Variants in THSD7A observed in about 807,000 individuals in gnomAD.
THSD7A encodes thrombospondin type 1 domain containing 7A.
THSD7A carries 96 observed loss-of-function variants against 231.3 expected under a neutral mutation model. That is an observed-to-expected ratio of 0.41 (90% confidence interval 0.35 to 0.49). THSD7A has a LOEUF of 0.49. Ranked by LOEUF, THSD7A falls within the 20% of genes least tolerant of loss-of-function variation. THSD7A has a pLI of 0.05. For synonymous variants in THSD7A, 940 were observed against 743.3 expected (o/e 1.26, Z -4.30); for missense variants, 2,290 against 2,070.2 (o/e 1.11, Z -2.06).
Position 11,373,464 on chromosome 7 carries a change from TC to T in THSD7A, c.*2329del, listed in dbSNP as rs781740428. 1.3e-5 allele frequency: 2 copies of T among 152,062 alleles called. No individual in the cohort carries two copies. The highest frequency in any genetic ancestry group is 2.9e-5 in the Non-Finnish European group (2 of 67,964). 9.4% of individuals were successfully genotyped at this position (152,062 alleles called of 1,614,324 possible). On this transcript the variant is annotated 3_prime_UTR_variant, in exon 28 of 28. Transcript: ENST00000423059. ...GTTTTAAAGTAACAATATTATTTTT[TC>T]TTCCTCTTTAATAAAACAGATAAAA...
intron 6 of THSD7A, among the ~76,000 whole-genome samples, chr7:11,513,049 A>G (rs1367306638): frequency 1.3e-5 from 2 of 150,540 alleles, no homozygotes; most frequent in Non-Finnish European, 3.0e-5. Flanking sequence ...TGAGTGAAGT[A>G]ACTCAGGCAT....
intron 1 of THSD7A, among the ~76,000 whole-genome samples, chr7:11,728,743 G>A (rs1283388519): frequency 4.0e-5 from 6 of 151,778 alleles, no homozygotes; most frequent in African/African-American, 1.4e-4. Flanking sequence ...TAGACTGAGA[G>A]AGGCTGCCAG....
intron 1 of THSD7A, among the ~76,000 whole-genome samples, chr7:11,789,224 G>A (rs957462562): frequency 1.2e-4 from 18 of 152,162 alleles, no homozygotes; most frequent in African/African-American, 4.3e-4. Flanking sequence ...GCTGAGAAAT[G>A]GGAACAGAGT....
At chr7:11,683,682 G>A (rs1367357161) in intron 1 of THSD7A, among the ~76,000 whole-genome samples, 1 of 151,878 alleles carries the variant, frequency 6.6e-6, no homozygotes, top group Non-Finnish European at 1.5e-5. Flanking sequence ...GGAAGAAATA[G>A]GAACCCTGAG....
chr7:11,557,125 C>A (rs762398425), intron 4 of THSD7A, among the ~76,000 whole-genome samples: 1 of 151,916 alleles, frequency 6.6e-6, no homozygotes, highest in Non-Finnish European at 1.5e-5. Flanking sequence ...TTGTTACAGT[C>A]CCACAGGTCT....
intron 1 of THSD7A, among the ~76,000 whole-genome samples, chr7:11,812,866 T>A (rs949927173): frequency 6.6e-6 from 1 of 152,164 alleles, no homozygotes; most frequent in Non-Finnish European, 1.5e-5. Flanking sequence ...AGAGTGTGGT[T>A]TGGGTTAAAT....
chr7:11,503,047 C>A (rs2189315), intron 6 of THSD7A, among the ~76,000 whole-genome samples: 1 of 152,190 alleles, frequency 6.6e-6, no homozygotes, highest in South Asian at 2.1e-4. Flanking sequence ...GCATCACATT[C>A]CCCTCTTCAA....
At chr7:11,509,388 G>C (rs1583874178) in intron 6 of THSD7A, among the ~76,000 whole-genome samples, 1 of 152,064 alleles carries the variant, frequency 6.6e-6, no homozygotes, top group South Asian at 2.1e-4. Flanking sequence ...CAACAAAATT[G>C]TTCCAGATTT....
At chr7:11,541,969 C>T (rs1583937711) in intron 5 of THSD7A, among the ~76,000 whole-genome samples, 1 of 152,202 alleles carries the variant, frequency 6.6e-6, no homozygotes, top group Non-Finnish European at 1.5e-5. Context: ...TTTTGGTCAA[C>T]TTGGAAAGTC....
chr7:11,705,322 A>G (rs1780729164), intron 1 of THSD7A, among the ~76,000 whole-genome samples: 1 of 151,090 alleles, frequency 6.6e-6, no homozygotes, highest in Non-Finnish European at 1.5e-5. Flanking sequence ...AGGAAATATA[A>G]TATACAAAAC....
chr7:11,622,619 G>T (rs1257815180), intron 2 of THSD7A, among the ~76,000 whole-genome samples: 1 of 151,946 alleles, frequency 6.6e-6, no homozygotes, highest in African/African-American at 2.4e-5. Flanking sequence ...CTAAGCTCCC[G>T]GCAGATAGGT....
intron 6 of THSD7A, among the ~76,000 whole-genome samples, chr7:11,522,951 T>C (rs1416410178): frequency 1.3e-5 from 2 of 152,188 alleles, no homozygotes; most frequent in African/African-American, 4.8e-5. Context: ...TATAAGTGTC[T>C]GTAGAATTTG....
At position 11,590,455 on chromosome 7, in the gene THSD7A, G is replaced by A. The variant is rs1390026290; in HGVS notation, c.1453+5C>T. The A allele has an allele frequency of 6.2e-7, 1 of 1,607,662 alleles. No homozygotes were observed. The highest frequency in any genetic ancestry group is 8.5e-7 in the Non-Finnish European group (1 of 1,176,994). On this transcript the variant is annotated splice_donor_5th_base_variant and intron_variant, in intron 4 of 27. Coordinates refer to ENST00000423059, the MANE Select transcript of THSD7A (RefSeq NM_015204.3). The surrounding 1 kb of genome is among the most constrained non-coding windows in gnomAD (Gnocchi z 4.4). ...GTGAATCCTTGAGAAGAAAGCAAAG[G>A]TTACCTTCTTTGTTCTTGTGGGTAC... is the stretch of plus-strand genomic sequence containing the variant.
chr7:11,567,925 A>T (rs1277449178), intron 4 of THSD7A, among the ~76,000 whole-genome samples: 2 of 151,888 alleles, frequency 1.3e-5, no homozygotes, highest in Non-Finnish European at 2.9e-5. Flanking sequence ...ATCTCACCTA[A>T]TTTTTTTGGT....
intron 23 of THSD7A, among the ~76,000 whole-genome samples, chr7:11,393,353 C>G (rs555159816): frequency 6.6e-6 from 1 of 152,192 alleles, no homozygotes; most frequent in Admixed American, 6.5e-5. Flanking sequence ...CTCAGAGACC[C>G]CGAACTGAAG....
chr7:11,402,410 G>A (rs774742988), intron 22 of THSD7A, among the ~76,000 whole-genome samples: 12 of 152,158 alleles, frequency 7.9e-5, no homozygotes, highest in Non-Finnish European at 1.2e-4. Flanking sequence ...ATCCAAGGCC[G>A]ACAGAGCTGG....
chr7:11,468,769 G>T (rs1785812846), intron 9 of THSD7A, among the ~76,000 whole-genome samples: 1 of 152,132 alleles, frequency 6.6e-6, no homozygotes, highest in Admixed American at 6.6e-5. Flanking sequence ...AGGAGGCTGA[G>T]GTTGCAATGG....
At chr7:11,719,252 G>T (rs1008194791) in intron 1 of THSD7A, among the ~76,000 whole-genome samples, 4 of 150,870 alleles carry the variant, frequency 2.7e-5, no homozygotes, top group African/African-American at 4.9e-5. Flanking sequence ...GTCTCATATG[G>T]TCTCTGTTTC....
intron 1 of THSD7A, among the ~76,000 whole-genome samples, chr7:11,784,398 CT>C (rs2128175757): frequency 6.6e-6 from 1 of 151,566 alleles, no homozygotes; most frequent in Non-Finnish European, 1.5e-5. Context: ...ATATTGCCAT[CT>C]GAAATCCCAA....
Sources: allele counts gnomAD v4.1 joint callset (sites outside exome capture counted in the v4.1 genomes callset), GRCh38; gene constraint gnomAD v4.1.1; non-coding constraint Gnocchi (gnomAD v3.1); transcripts MANE v1.5; gene names NCBI Gene and HGNC (gene_info 2026-07-23, HGNC 2026-07-21).